GUCY1A2: variants seen among roughly 807,000 people sequenced by gnomAD.
GUCY1A2 encodes the protein guanylate cyclase soluble subunit alpha-2.
In GUCY1A2, 27 loss-of-function variants were observed where a neutral mutation model predicts 63.5. The observed-to-expected ratio is 0.43, with a 90% CI of 0.31 to 0.59. The LOEUF is 0.59. Ranked by LOEUF, GUCY1A2 falls within the 20% of genes least tolerant of loss-of-function variation. The pLI is 0.11. For synonymous variants in GUCY1A2, 364 were observed against 343.5 expected, an observed-to-expected ratio of 1.06 and a Z score of -0.66; for missense variants, 768 against 913.3, an observed-to-expected ratio of 0.84 and a Z score of 2.05.
chr11:106,678,285 AG>A lies in GUCY1A2; in HGVS notation c.*9263del, dbSNP rs1340023909. 1.5e-5 allele frequency: 3 copies of A among 205,168 alleles called. No individual in the cohort carries two copies. Among genetic ancestry groups the A allele is most frequent in the Admixed American group, 6.0e-5 (1 of 16,744 alleles). The allele number at this position is 205,168 out of a possible 1,614,324, so 12.7% of individuals were successfully genotyped here. A position where few individuals can be genotyped will look rare whatever the true frequency, so the allele number is the denominator to read the frequency against. On this transcript the variant is annotated 3_prime_UTR_variant, in exon 8 of 8. Coordinates refer to ENST00000526355, the MANE Select transcript of GUCY1A2 (RefSeq NM_000855.3). ...GCAATTTATCTGAGAGTCCAAGCCA[AG>A]GTTAAGTTTTGGTTTCAGTGTGGTA...
At chr11:106,692,762 T>C (rs1358002462) in intron 7 of GUCY1A2, among the ~76,000 whole-genome samples, 1 of 152,132 alleles carries the variant, frequency 6.6e-6, no homozygotes, top group African/African-American at 2.4e-5. Context: ...CGATAATATG[T>C]ATGGGACAGG....
intron 4 of GUCY1A2, among the ~76,000 whole-genome samples, chr11:106,867,235 T>C (rs970259537): frequency 6.6e-6 from 1 of 152,064 alleles, no homozygotes; most frequent in African/African-American, 2.4e-5. Context: ...GTCCAAAGTA[T>C]ATTATGTGTT....
In GUCY1A2 at chr11:106,776,491, T is replaced by C. The variant is rs1381480995; in HGVS notation, c.1784A>G (p.Lys595Arg). The C allele has an allele frequency of 6.2e-7, 1 of 1,613,858 alleles. No individual in the cohort carries two copies. Among genetic ancestry groups the C allele is most frequent in the African/African-American group, 1.3e-5 (1 of 75,058 alleles). ...HAKPIALMAL[K>R]MMELSEEVLT... The stretch of plus-strand genomic sequence containing the variant: ...CACCTCTTCTGAAAGTTCCATCATC[T>C]TCAAGGCCATCAGAGCAATGGGTTT... The change falls in exon 6 of 8, where the codon AAG becomes AGG. Residue 595 changes from lysine to arginine, a missense_variant. Transcript: ENST00000526355.
rs1859901951 is a variant in GUCY1A2 at position 106,886,456 on chromosome 11, AT to A, written c.1206+53003del. On this transcript the variant is annotated intron_variant, in intron 4 of 7. Transcript: ENST00000526355. ...CATGAAAGAAATACAAACTTCTGTTATTTTGGGTCTTCAGTGACTCATGCAC... is the reference window on the plus strand; with the variant it reads ...CATGAAAGAAATACAAACTTCTGTTATTTGGGTCTTCAGTGACTCATGCAC... 1.3e-5 allele frequency among the ~76,000 whole-genome samples: 2 copies of A among 152,098 alleles called. 1 individual carries two copies. Among genetic ancestry groups the A allele is most frequent in the Admixed American group, 1.3e-4 (2 of 15,264 alleles).
rs139808232 is a variant in GUCY1A2, at chr11:106,708,538, G to A, written c.1965C>T (p.Arg655=). 3 of 1,612,342 alleles carry A rather than the reference G, an allele frequency of 1.9e-6. No individual in the cohort carries two copies. Among genetic ancestry groups the A allele is most frequent in the African/African-American group, 1.3e-5 (1 of 74,736 alleles). The change falls in exon 7 of 8, where the codon CGC becomes CGT. Residue 655 remains arginine, a synonymous_variant. Coordinates refer to ENST00000526355, the MANE Select transcript of GUCY1A2 (RefSeq NM_000855.3). ...SKFESGSHPR[R]INVSPTTYQL... ...GGTAAGTGGTTGGGCTGACATTGAT[G>A]CGCCGAGGGTGACTTCCCGACTCGA...
At chr11:107,005,862 T>C (rs1391574182) in intron 1 of GUCY1A2, among the ~76,000 whole-genome samples, 1 of 152,156 alleles carries the variant, frequency 6.6e-6, no homozygotes, top group Non-Finnish European at 1.5e-5. Context: ...ATATTTCCCA[T>C]AAAAAGCATA....
chr11:106,977,982 C>T (rs1427390704), intron 3 of GUCY1A2, among the ~76,000 whole-genome samples: 8 of 152,100 alleles, frequency 5.3e-5, no homozygotes, highest in Admixed American at 3.3e-4. Flanking sequence ...ACACCAAGAA[C>T]GTCAGGTAGT....
intron 6 of GUCY1A2, among the ~76,000 whole-genome samples, chr11:106,740,160 G>A (rs753210149): frequency 8.6e-5 from 13 of 151,836 alleles, no homozygotes; most frequent in South Asian, 2.1e-4. Context: ...CACCATGTCC[G>A]GCTAATTTTT....
chr11:106,681,190 A>G lies in GUCY1A2; in HGVS notation c.*6359T>C, dbSNP rs187887191. 8.7e-4 allele frequency: 189 copies of G among 217,656 alleles called. 3 individuals are homozygous for G. In the East Asian group the frequency reaches 0.013, roughly 14 times the overall value. The allele number at this position is 217,656 out of a possible 1,614,324, so 13.5% of individuals were successfully genotyped here. ...TTGTGCTACAGGTGACTTTCAGTCA[A>G]TCATATTCTGAAGTCAAAATACTAT... is the stretch of plus-strand genomic sequence containing the variant. On this transcript the variant is annotated 3_prime_UTR_variant, in exon 8 of 8. Coordinates refer to ENST00000526355, the MANE Select transcript of GUCY1A2 (RefSeq NM_000855.3).
chr11:106,714,240 T>G (rs1399977646), intron 6 of GUCY1A2, among the ~76,000 whole-genome samples: 1 of 151,904 alleles, frequency 6.6e-6, no homozygotes, highest in African/African-American at 2.4e-5. Context: ...AAAAAAAGTC[T>G]TGTCTCTTAG....
At chr11:106,819,289 T>TA (rs1312760421) in intron 4 of GUCY1A2, among the ~76,000 whole-genome samples, 1 of 152,204 alleles carries the variant, frequency 6.6e-6, no homozygotes, top group Non-Finnish European at 1.5e-5. Context: ...AATTAGTTGA[T>TA]AAAGCAGCAC....
chr11:106,770,917 T>C (rs1394875579), intron 6 of GUCY1A2, among the ~76,000 whole-genome samples: 1 of 151,082 alleles, frequency 6.6e-6, no homozygotes, highest in Non-Finnish European at 1.5e-5. Context: ...ACATTAGTAT[T>C]ACAACATGAT....
intron 4 of GUCY1A2, among the ~76,000 whole-genome samples, chr11:106,812,586 A>C (rs1404948565): frequency 1.3e-5 from 2 of 151,832 alleles, no homozygotes; most frequent in Non-Finnish European, 2.9e-5. Context: ...TCTCCATCTT[A>C]ATTTTAAATG....
At chr11:106,928,605 G>C (rs1860561406) in intron 4 of GUCY1A2, among the ~76,000 whole-genome samples, 1 of 152,034 alleles carries the variant, frequency 6.6e-6, no homozygotes, top group African/African-American at 2.4e-5. Context: ...ATACATCTCA[G>C]AAGCACACTG....
intron 3 of GUCY1A2, among the ~76,000 whole-genome samples, chr11:106,958,264 C>A (rs1012485322): frequency 6.6e-6 from 1 of 152,186 alleles, no homozygotes; most frequent in Non-Finnish European, 1.5e-5. Flanking sequence ...CCAGTCCAAT[C>A]TCTCTCAAAA....
At chr11:106,930,546 TC>T (rs1296074336) in intron 4 of GUCY1A2, among the ~76,000 whole-genome samples, 1 of 152,168 alleles carries the variant, frequency 6.6e-6, no homozygotes, top group Non-Finnish European at 1.5e-5. Flanking sequence ...ATTGTTTCTA[TC>T]AGAATTATAA....
At chr11:106,839,443 C>G (rs1420327321) in intron 4 of GUCY1A2, among the ~76,000 whole-genome samples, 1 of 152,008 alleles carries the variant, frequency 6.6e-6, no homozygotes, top group Non-Finnish European at 1.5e-5. Context: ...TTGTGGAAGA[C>G]AGTGTGGCAA....
At chr11:106,857,446 T>A (rs960466712) in intron 4 of GUCY1A2, among the ~76,000 whole-genome samples, 1 of 152,152 alleles carries the variant, frequency 6.6e-6, no homozygotes, top group Non-Finnish European at 1.5e-5. Context: ...TGGGGGAACA[T>A]AAACATCCCA....
At chr11:106,757,849 ACAGT>A (rs1490024144) in intron 6 of GUCY1A2, among the ~76,000 whole-genome samples, 1 of 152,148 alleles carries the variant, frequency 6.6e-6, no homozygotes, top group African/African-American at 2.4e-5. Flanking sequence ...ACTTGAGGAG[ACAGT>A]CTGTCTGTTA....
Sources: allele counts gnomAD v4.1 joint callset (sites outside exome capture counted in the v4.1 genomes callset), GRCh38; gene constraint gnomAD v4.1.1; transcripts MANE v1.5; gene names NCBI Gene and HGNC (gene_info 2026-07-23, HGNC 2026-07-21).